The following AGTR1 variants were observed in gnomAD, a reference collection of about 807,000 sequenced individuals.
The protein encoded by AGTR1 is angiotensin II receptor type 1.
AGTR1 carries 16 observed loss-of-function variants against 19.4 expected under a neutral mutation model. The observed-to-expected ratio is 0.82, with a 90% CI of 0.56 to 1.25. AGTR1 has a LOEUF of 1.25. AGTR1 is among the 50% of genes most tolerant of loss of function. The probability of loss-of-function intolerance (pLI) is 0.00; values close to 1 mark genes in which losing one functional copy is unlikely to be tolerated. For missense variants in AGTR1, 373 were observed against 431.9 expected, an observed-to-expected ratio of 0.86 and a Z score of 1.21; for synonymous variants, 153 against 154.9, an observed-to-expected ratio of 0.99 and a Z score of 0.09.
intron 2 of AGTR1, among the ~76,000 whole-genome samples, chr3:148,722,374 A>G (rs1204883692): frequency 6.6e-6 from 1 of 152,234 alleles, no homozygotes; most frequent in Non-Finnish European, 1.5e-5. Context: ...GATGAAAACT[A>G]CAATGTCTGA....
At position 148,741,446 on chromosome 3, in the gene AGTR1, C is replaced by A; in HGVS notation, c.411C>A (p.Arg137=). ...CTATTGTTCACCCAATGAAGTCCCG[C>A]CTTCGACGCACAATGCTTGTAGCCA... ...YLAIVHPMKS[R]LRRTMLVAKV... The change falls in exon 3 of 3, where the codon CGC becomes CGA. Residue 137 remains arginine, a synonymous_variant. Coordinates refer to ENST00000349243, the MANE Select transcript of AGTR1 (RefSeq NM_000685.5). 1.2e-6 allele frequency: 2 copies of A among 1,609,546 alleles called. No individual in the cohort carries two copies. The highest frequency in any genetic ancestry group is 1.7e-6 in the Non-Finnish European group (2 of 1,179,850).
At chr3:148,738,115 T>C (rs1223868290) in intron 2 of AGTR1, among the ~76,000 whole-genome samples, 1 of 152,176 alleles carries the variant, frequency 6.6e-6, no homozygotes, top group African/African-American at 2.4e-5. Flanking sequence ...ATAGGATTAA[T>C]GGAACCCACA....
intron 2 of AGTR1, among the ~76,000 whole-genome samples, chr3:148,709,271 AT>A: frequency 6.6e-6 from 1 of 152,152 alleles, no homozygotes; most frequent in Non-Finnish European, 1.5e-5. Context: ...TCTTAAAAGT[AT>A]TGAACAGAAG....
Position 148,742,036 on chromosome 3 carries a change from T to C in AGTR1, c.1001T>C (p.Met334Thr). The change falls in exon 3 of 3, where the codon ATG becomes ACG. Residue 334 changes from methionine to threonine, a missense_variant. Coordinates refer to ENST00000349243, the MANE Select transcript of AGTR1 (RefSeq NM_000685.5). Reference sequence around the variant, plus strand: ...TCCCACTCAAACCTTTCAACAAAAATGAGCACGCTTTCCTACCGCCCCTCA... The same window carrying C: ...TCCCACTCAAACCTTTCAACAAAAACGAGCACGCTTTCCTACCGCCCCTCA... ...AKSHSNLSTKMSTLSYRPSDN... is the reference protein window; with the variant it reads ...AKSHSNLSTKTSTLSYRPSDN... 6.2e-7 allele frequency: 1 copy of C among 1,613,954 alleles called. No homozygotes were observed. Among genetic ancestry groups the C allele is most frequent in the Non-Finnish European group, 8.5e-7 (1 of 1,179,988 alleles).
intron 2 of AGTR1, among the ~76,000 whole-genome samples, chr3:148,712,949 G>C: frequency 6.6e-6 from 1 of 152,188 alleles, no homozygotes; most frequent in East Asian, 1.9e-4. Flanking sequence ...GGGCAACTGA[G>C]GTAGTAGGAG....
At position 148,737,651 on chromosome 3, in the gene AGTR1, A is replaced by G. The variant is rs557525968; in HGVS notation, c.-47-3338A>G. Among the ~76,000 whole-genome samples the G allele has an allele frequency of 2.0e-5, 3 of 152,166 alleles. No individual in the cohort carries two copies. The South Asian group carries it at 6.2e-4, about 32-fold the overall frequency. The stretch of plus-strand genomic sequence containing the variant: ...TTGGTGAATACCCACTGAATGTGCT[A>G]TTTGCATTGCTACTTCCTTGTGCTT... On this transcript the variant is annotated intron_variant, in intron 2 of 2. Coordinates refer to ENST00000349243, the MANE Select transcript of AGTR1 (RefSeq NM_000685.5).
intron 2 of AGTR1, among the ~76,000 whole-genome samples, chr3:148,715,385 C>T (rs536331349): frequency 1.3e-5 from 2 of 152,278 alleles, no homozygotes; most frequent in Admixed American, 1.3e-4. Flanking sequence ...TCTACAGCTC[C>T]TCTCCTACCA....
chr3:148,723,042 G>A (rs1016668701), intron 2 of AGTR1, among the ~76,000 whole-genome samples: 7 of 152,270 alleles, frequency 4.6e-5, no homozygotes, highest in Middle Eastern at 3.4e-3. Context: ...TTTTATTAGG[G>A]ATAGAATCCC....
intron 2 of AGTR1, chr3:148,730,367 G>A: frequency 2.6e-6 from 1 of 389,576 alleles, no homozygotes; most frequent in East Asian, 3.6e-5. Context: ...GAGAAGGTAT[G>A]AAGGTGGGTA....
At chr3:148,705,391 GC>G (rs1712611190) in intron 1 of AGTR1, among the ~76,000 whole-genome samples, 1 of 151,830 alleles carries the variant, frequency 6.6e-6, no homozygotes, top group Non-Finnish European at 1.5e-5. Flanking sequence ...AAATGCTCCT[GC>G]CCTTAGAATG....
At chr3:148,699,507 C>T (rs563440385) in intron 1 of AGTR1, among the ~76,000 whole-genome samples, 1 of 152,170 alleles carries the variant, frequency 6.6e-6, no homozygotes, top group Admixed American at 6.5e-5. Context: ...TCTCCACCAC[C>T]CTTCCTGACA....
At chr3:148,731,350 T>A (rs1714245975) in intron 2 of AGTR1, 1 of 152,288 alleles carries the variant, frequency 6.6e-6, no homozygotes, top group South Asian at 2.1e-4. Flanking sequence ...CTGCCACAAG[T>A]AGTAAATGTA....
intron 2 of AGTR1, among the ~76,000 whole-genome samples, chr3:148,720,438 G>A (rs1387675206): frequency 2.6e-5 from 4 of 152,098 alleles, no homozygotes; most frequent in African/African-American, 7.2e-5. Flanking sequence ...AACTTATGTC[G>A]TGGGGTAGTC....
intron 1 of AGTR1, among the ~76,000 whole-genome samples, chr3:148,701,962 CAT>C (rs778751943): frequency 4.4e-4 from 65 of 149,152 alleles, no homozygotes; most frequent in Non-Finnish European, 2.7e-4. Flanking sequence ...GAGAAATACA[CAT>C]ATGATTGTGT....
At chr3:148,704,366 GAAT>G (rs143151099) in intron 1 of AGTR1, among the ~76,000 whole-genome samples, 50 of 149,886 alleles carry the variant, frequency 3.3e-4, no homozygotes, top group African/African-American at 9.1e-4. Flanking sequence ...ACCCTGTCTC[GAAT>G]AATAATAATA....
chr3:148,727,790 C>G (rs985084017), intron 2 of AGTR1, among the ~76,000 whole-genome samples: 1 of 152,068 alleles, frequency 6.6e-6, no homozygotes, highest in Admixed American at 6.6e-5. Flanking sequence ...AAATAAAAGC[C>G]TCCAATAAAA....
chr3:148,740,047 A>T, intron 2 of AGTR1: 1 of 1,109,700 alleles, frequency 9.0e-7, no homozygotes, highest in Non-Finnish European at 1.1e-6. Flanking sequence ...TTTCTAAATC[A>T]CATAAATGAA....
Position 148,741,334 on chromosome 3 carries a change from T to A in AGTR1, c.299T>A (p.Leu100Gln). The A allele has an allele frequency of 6.2e-7, 1 of 1,608,422 alleles. No individual in the cohort carries two copies. The highest frequency in any genetic ancestry group is 8.5e-7 in the Non-Finnish European group (1 of 1,179,678). ...MEYRWPFGNYLCKIASASVSF... is the reference protein window; with the variant it reads ...MEYRWPFGNYQCKIASASVSF... The stretch of plus-strand genomic sequence containing the variant: ...TACCGCTGGCCCTTTGGCAATTACC[T>A]ATGTAAGATTGCTTCAGCCAGCGTC... Residue 100 changes from leucine to glutamine, a missense_variant, in exon 3 of 3, where the codon CTA (leucine) becomes CAA (glutamine). Transcript: ENST00000349243.
chr3:148,730,651 T>C (rs995082717), intron 2 of AGTR1: 1 of 154,394 alleles, frequency 6.5e-6, no homozygotes, highest in Non-Finnish European at 1.4e-5. Flanking sequence ...GCAAATTAAG[T>C]TGCCTACAGG....
Sources: allele counts gnomAD v4.1 joint callset (sites outside exome capture counted in the v4.1 genomes callset), GRCh38; gene constraint gnomAD v4.1.1; transcripts MANE v1.5; gene names NCBI Gene and HGNC (gene_info 2026-07-23, HGNC 2026-07-21).